NR5A2: variants seen among roughly 807,000 people sequenced by gnomAD.
NR5A2 encodes CYP7A promoter-binding factor.
A neutral mutation model predicts 62.7 loss-of-function variants in NR5A2; 26 were observed. That is an observed-to-expected ratio of 0.41 (90% CI 0.30 to 0.58). The LOEUF is 0.58. Among genes scored for constraint, NR5A2 ranks in the 20% least tolerant of loss-of-function variants. NR5A2 has a pLI of 0.22. For missense variants in NR5A2, 541 were observed against 669.1 expected (o/e 0.81, Z 2.11); for synonymous variants, 246 against 241.7 (o/e 1.02, Z -0.16).
chr1:200,035,401 C>G (rs1018866940), intron 1 of NR5A2, among the ~76,000 whole-genome samples: 1 of 151,982 alleles, frequency 6.6e-6, no homozygotes, highest in African/African-American at 2.4e-5. Flanking sequence ...AAACTTGAAC[C>G]GCTCCTGAAA....
chr1:200,111,450 A>C (rs1394600716), intron 6 of NR5A2, 129 bp downstream of exon 6: 1 of 1,006,566 alleles, frequency 9.9e-7, no homozygotes, highest in Non-Finnish European at 1.4e-6. Context: ...AATAATTTAG[A>C]AAAGATGACT....
chr1:200,053,569 G>GCACGCACA (rs1553266381), intron 5 of NR5A2, among the ~76,000 whole-genome samples: 1 of 141,994 alleles, frequency 7.0e-6, no homozygotes. Context: ...GCATGCACAC[G>GCACGCACA]CACACACACA....
chr1:200,074,580 AC>A (rs1460110795), intron 5 of NR5A2, among the ~76,000 whole-genome samples: 1 of 151,510 alleles, frequency 6.6e-6, no homozygotes, highest in Non-Finnish European at 1.5e-5. Context: ...TACTAAAAAT[AC>A]AAAAAATTAG....
chr1:200,061,738 T>A (rs1353806355), intron 5 of NR5A2, among the ~76,000 whole-genome samples: 1 of 152,186 alleles, frequency 6.6e-6, no homozygotes, highest in Non-Finnish European at 1.5e-5. Flanking sequence ...GATCTTAAGG[T>A]CCTGGTCTCT....
intron 7 of NR5A2, among the ~76,000 whole-genome samples, chr1:200,124,063 C>A (rs931081000): frequency 2.5e-4 from 38 of 152,158 alleles, no homozygotes; most frequent in African/African-American, 8.4e-4. Context: ...CTTGGCCTCT[C>A]AAAGTGCTGG....
chr1:200,165,781 G>A (rs887209491), intron 7 of NR5A2, among the ~76,000 whole-genome samples: 10 of 152,136 alleles, frequency 6.6e-5, no homozygotes, highest in Non-Finnish European at 1.3e-4. Context: ...TCAAGTTTGG[G>A]CAATTATGAA....
chr1:200,043,636 C>A, intron 2 of NR5A2, 138 bp from the exon 3 acceptor site: 1 of 548,656 alleles, frequency 1.8e-6, no homozygotes, highest in Non-Finnish European at 3.2e-6. Context: ...TTCAGTAAGA[C>A]CTTGCTAAAA....
intron 5 of NR5A2, among the ~76,000 whole-genome samples, chr1:200,091,873 G>A (rs1325370238): frequency 6.6e-6 from 1 of 152,178 alleles, no homozygotes; most frequent in Admixed American, 6.5e-5. Flanking sequence ...ATGTGCACAT[G>A]TGGAGTGGGG....
chr1:200,161,898 T>C lies in NR5A2; in HGVS notation c.1379-12065T>C, dbSNP rs142099038. Reference sequence around the variant, plus strand: ...GTTGTCTTTTATGTGTGTGGTGCTATACCTGTGTGGTGTAGGAAATAAGAA... The same window carrying C: ...GTTGTCTTTTATGTGTGTGGTGCTACACCTGTGTGGTGTAGGAAATAAGAA... On this transcript the variant is annotated intron_variant, in intron 7 of 7. Coordinates refer to ENST00000367362, the MANE Select transcript of NR5A2 (RefSeq NM_205860.3). Among the ~76,000 whole-genome samples, 3 of 152,348 alleles carry C rather than the reference T, an allele frequency of 2.0e-5. No individual in the cohort carries two copies. The East Asian group carries it at 5.8e-4, about 29-fold the overall frequency.
intron 5 of NR5A2, among the ~76,000 whole-genome samples, chr1:200,106,121 C>T (rs1665654545): frequency 6.6e-6 from 1 of 150,702 alleles, no homozygotes; most frequent in Non-Finnish European, 1.5e-5. Flanking sequence ...GCAGTGGTGC[C>T]ATCTCGGCTC....
intron 6 of NR5A2, among the ~76,000 whole-genome samples, chr1:200,115,527 A>AT (rs1373179721): frequency 1.3e-5 from 2 of 152,190 alleles, no homozygotes; most frequent in African/African-American, 4.8e-5. Context: ...AGATAAATAC[A>AT]TTTTTTAATT....
intron 5 of NR5A2, chr1:200,057,801 T>C: frequency 5.6e-6 from 1 of 178,454 alleles, no homozygotes; most frequent in Non-Finnish European, 1.2e-5. Flanking sequence ...TTTTTTTTCC[T>C]TTTTTCTTTT....
intron 6 of NR5A2, among the ~76,000 whole-genome samples, chr1:200,117,935 A>G (rs550209862): frequency 7.9e-5 from 12 of 150,986 alleles, no homozygotes; most frequent in Non-Finnish European, 1.8e-4. Context: ...GCTGGTCTCG[A>G]ACTCCCGACC....
At chr1:200,045,397 G>T (rs550182594) in intron 3 of NR5A2, 46 bp from the exon 4 acceptor site, 8 of 1,496,452 alleles carry the variant, frequency 5.3e-6, no homozygotes, top group Admixed American at 2.2e-5. Context: ...TGGAAAAGAC[G>T]GGTGTTAGAT....
At chr1:200,041,065 G>A (rs1188691778) in intron 2 of NR5A2, among the ~76,000 whole-genome samples, 1 of 152,122 alleles carries the variant, frequency 6.6e-6, no homozygotes, top group African/African-American at 2.4e-5. Context: ...TTAGTGTGGG[G>A]CATCGGGGAA....
intron 1 of NR5A2, among the ~76,000 whole-genome samples, chr1:200,030,109 C>A (rs1322887785): frequency 2.0e-5 from 3 of 152,098 alleles, no homozygotes; most frequent in Non-Finnish European, 4.4e-5. Context: ...GGGAAGAACC[C>A]ACGGGTGCAG....
intron 5 of NR5A2, among the ~76,000 whole-genome samples, chr1:200,083,551 G>A (rs368934468): frequency 3.3e-5 from 5 of 152,144 alleles, no homozygotes; most frequent in Non-Finnish European, 5.9e-5. Flanking sequence ...GAAAGGCTTC[G>A]CCATGTGTGT....
intron 5 of NR5A2, among the ~76,000 whole-genome samples, chr1:200,078,533 T>G (rs561576697): frequency 5.2e-4 from 79 of 152,368 alleles, no homozygotes; most frequent in African/African-American, 1.8e-3. Context: ...AAAATCATAC[T>G]TTAAGTAACA....
chr1:200,049,282 T>C (rs1016485798), intron 5 of NR5A2, among the ~76,000 whole-genome samples: 5 of 152,286 alleles, frequency 3.3e-5, no homozygotes, highest in South Asian at 2.1e-4. Flanking sequence ...GGAATGAAAA[T>C]GATACCACTG....
Sources: allele counts gnomAD v4.1 joint callset (sites outside exome capture counted in the v4.1 genomes callset), GRCh38; gene constraint gnomAD v4.1.1; transcripts MANE v1.5; gene names NCBI Gene and HGNC (gene_info 2026-07-23, HGNC 2026-07-21).